GABBR2: variants seen among roughly 807,000 people sequenced by gnomAD.
GABBR2 encodes the protein G-protein coupled receptor 51.
A neutral mutation model predicts 105.6 loss-of-function variants in GABBR2; 23 were observed. That is an observed-to-expected ratio of 0.22 (90% CI 0.16 to 0.31). The LOEUF (loss-of-function observed/expected upper bound fraction) is 0.31, where lower values mean the gene tolerates loss of function less well. Among genes scored for constraint, GABBR2 ranks in the 10% least tolerant of loss-of-function variants. The pLI is 1.00. For missense variants in GABBR2, 734 were observed against 1,245.5 expected (o/e 0.59, Z 6.18); for synonymous variants, 478 against 499.7 (o/e 0.96, Z 0.58).
intron 12 of GABBR2, 107 bp from the exon 13 acceptor site, chr9:98,362,944 C>A: frequency 4.2e-6 from 4 of 946,554 alleles, no homozygotes; most frequent in Non-Finnish European, 6.0e-6. Context: ...ACCCCCCAGC[C>A]GGAGAGTCTC....
chr9:98,596,296 T>C (rs993545320), intron 1 of GABBR2, among the ~76,000 whole-genome samples: 1 of 152,070 alleles, frequency 6.6e-6, no homozygotes, highest in Non-Finnish European at 1.5e-5. Flanking sequence ...CGGTGAACAC[T>C]TGGGAGATGT....
At chr9:98,537,191 C>T (rs537865061) in intron 3 of GABBR2, among the ~76,000 whole-genome samples, 12 of 152,304 alleles carry the variant, frequency 7.9e-5, no homozygotes, top group Non-Finnish European at 7.4e-5. Context: ...TCCATCCATA[C>T]AAGGGATTAC....
At chr9:98,591,281 G>A (rs952609038) in intron 1 of GABBR2, among the ~76,000 whole-genome samples, 5 of 152,154 alleles carry the variant, frequency 3.3e-5, no homozygotes, top group Non-Finnish European at 4.4e-5. Flanking sequence ...AGGAAGTTGC[G>A]GGGCACCTTG....
At chr9:98,456,300 C>T (rs556311875) in intron 6 of GABBR2, among the ~76,000 whole-genome samples, 76 of 152,266 alleles carry the variant, frequency 5.0e-4, no homozygotes, top group Middle Eastern at 3.4e-3. Context: ...AGCTCCTTGC[C>T]CAGCTCTTGG....
chr9:98,565,889 A>T (rs1234637423), intron 2 of GABBR2, among the ~76,000 whole-genome samples: 6 of 152,166 alleles, frequency 3.9e-5, no homozygotes, highest in Admixed American at 3.3e-4. Context: ...TGCACAGGTG[A>T]GCACCACACA....
intron 1 of GABBR2, among the ~76,000 whole-genome samples, chr9:98,693,038 C>T (rs1018795460): frequency 4.9e-4 from 74 of 152,174 alleles, no homozygotes; most frequent in Non-Finnish European, 1.5e-4. Flanking sequence ...CCTCGACCCC[C>T]GGCGTGGCCT....
intron 7 of GABBR2, among the ~76,000 whole-genome samples, chr9:98,423,738 G>C (rs1327716587): frequency 6.6e-6 from 1 of 152,156 alleles, no homozygotes; most frequent in Non-Finnish European, 1.5e-5. Flanking sequence ...TATGGTTTTA[G>C]GTGTAACGTT....
At chr9:98,386,926 T>C (rs1056984190) in intron 10 of GABBR2, among the ~76,000 whole-genome samples, 3 of 152,164 alleles carry the variant, frequency 2.0e-5, no homozygotes, top group African/African-American at 4.8e-5. Context: ...CCTTGACAAA[T>C]CACTTAGCCT....
In GABBR2 at chr9:98,658,747, G is replaced by T. The variant is rs554242576; in HGVS notation, c.321+49670C>A. ...AAAAGCCCTGGCTTGGGGGCAACAT[G>T]TGACCTCATGAATGTCCCGTGGTAA... On this transcript the variant is annotated intron_variant, in intron 1 of 18. Transcript: ENST00000259455. Among the ~76,000 whole-genome samples, 4 of 152,332 alleles carry T rather than the reference G, an allele frequency of 2.6e-5. No homozygotes were observed. The South Asian group carries it at 8.3e-4, about 32-fold the overall frequency.
chr9:98,362,860 G>A (rs747656477), intron 12 of GABBR2, 23 bp from the exon 13 acceptor site: 3 of 1,520,092 alleles, frequency 2.0e-6, no homozygotes, highest in South Asian at 1.4e-5. Flanking sequence ...AAGGAGCAGA[G>A]GGGAGCCGAT....
chr9:98,377,947 T>A (rs1235537620), intron 11 of GABBR2, among the ~76,000 whole-genome samples: 2 of 152,156 alleles, frequency 1.3e-5, no homozygotes. Context: ...AGCCCAGCCT[T>A]CCTGCTGCCT....
intron 6 of GABBR2, among the ~76,000 whole-genome samples, chr9:98,457,827 A>G (rs1275937096): frequency 6.6e-6 from 1 of 152,210 alleles, no homozygotes; most frequent in Non-Finnish European, 1.5e-5. Flanking sequence ...ACGCACTCAC[A>G]ATTGTTGGAG....
At chr9:98,501,119 A>G (rs1827388909) in intron 3 of GABBR2, among the ~76,000 whole-genome samples, 1 of 141,778 alleles carries the variant, frequency 7.1e-6, no homozygotes, top group South Asian at 2.5e-4. Context: ...AAGACTAGGA[A>G]CCACTGCCCC....
chr9:98,708,673 C>A lies in GABBR2; in HGVS notation c.65G>T (p.Arg22Leu). Residue 22 changes from arginine to leucine, a missense_variant, in exon 1 of 19, where the codon CGC becomes CTC. Arg to Leu is a moderately radical substitution (Grantham distance 102). Transcript: ENST00000259455. The stretch of plus-strand genomic sequence containing the variant: ...CGGCAGCAGCAGTAGCAGTAGCAGG[C>A]GCGCGGGCGGCGGTGGCGGCGGCGG... ...PPPPPPPPPA[R>L]LLLLLLLPLL... 3.4e-6 allele frequency: 4 copies of A among 1,163,716 alleles called. No homozygotes were observed. The highest frequency in any genetic ancestry group is 3.2e-6 in the Non-Finnish European group (3 of 944,658). 72.1% of individuals were successfully genotyped at this position (1,163,716 alleles called of 1,614,324 possible). A position where few individuals can be genotyped will look rare whatever the true frequency, so the allele number is the denominator to read the frequency against.
intron 3 of GABBR2, among the ~76,000 whole-genome samples, chr9:98,510,441 G>A (rs1330265003): frequency 6.6e-6 from 1 of 152,122 alleles, no homozygotes; most frequent in African/African-American, 2.4e-5. Flanking sequence ...AAATGTAAAT[G>A]GGCTAAATGC....
intron 7 of GABBR2, among the ~76,000 whole-genome samples, chr9:98,417,028 C>T (rs1433226447): frequency 5.3e-5 from 8 of 152,274 alleles, no homozygotes; most frequent in Non-Finnish European, 2.9e-5. Context: ...GCAATGCTCC[C>T]GGCTCCTTCC....
chr9:98,401,096 T>C (rs1832387943), intron 8 of GABBR2, among the ~76,000 whole-genome samples: 1 of 152,176 alleles, frequency 6.6e-6, no homozygotes, highest in South Asian at 2.1e-4. Context: ...CAACAGTTGT[T>C]ATGACCCTTC....
At chr9:98,394,043 G>A (rs1313753383) in intron 9 of GABBR2, 132 bp downstream of exon 9, 2 of 664,772 alleles carry the variant, frequency 3.0e-6, no homozygotes, top group African/African-American at 1.8e-5. Flanking sequence ...CAACGATTGA[G>A]TGCATGTGTT....
intron 13 of GABBR2, among the ~76,000 whole-genome samples, chr9:98,324,493 G>GAC (rs3983548): frequency 0.042 from 6,040 of 143,196 alleles, 149 homozygotes; most frequent in Middle Eastern, 0.062. Context: ...CTACAGAGCC[G>GAC]ACACACACAC....
Sources: gnomAD v4.1 joint callset for allele counts (sites outside exome capture counted in the v4.1 genomes callset) on GRCh38, gnomAD v4.1.1 for gene constraint, MANE v1.5 for transcripts, NCBI Gene and HGNC (gene_info 2026-07-23, HGNC 2026-07-21) for gene names.